The following MGAT4C variants were observed in gnomAD, a reference collection of about 807,000 sequenced individuals.
MGAT4C encodes MGAT4 family member C.
In MGAT4C, 19 loss-of-function variants were observed where a neutral mutation model predicts 40.1. That is an observed-to-expected ratio of 0.47 (90% CI 0.33 to 0.70). The LOEUF (loss-of-function observed/expected upper bound fraction) is 0.70. Among genes scored for constraint, MGAT4C ranks in the 30% least tolerant of loss-of-function variants. The pLI, the probability that MGAT4C is intolerant of heterozygous loss-of-function variation, is 0.02. For synonymous variants in MGAT4C, 181 were observed against 187.1 expected, an observed-to-expected ratio of 0.97 and a Z score of 0.27; for missense variants, 491 against 563.2, an observed-to-expected ratio of 0.87 and a Z score of 1.30.
At chr12:86,619,176 G>A (rs528275607) in intron 2 of MGAT4C, among the ~76,000 whole-genome samples, 1 of 152,112 alleles carries the variant, frequency 6.6e-6, no homozygotes, top group East Asian at 1.9e-4. Flanking sequence ...ATCTACAGGA[G>A]TCTTGGAACC....
At chr12:86,096,592 G>A (rs34799430) in intron 1 of MGAT4C, among the ~76,000 whole-genome samples, 3 of 150,458 alleles carry the variant, frequency 2.0e-5, no homozygotes, top group African/African-American at 7.3e-5. Context: ...TTTTTTCCTC[G>A]AATCTTTTTT....
intron 1 of MGAT4C, among the ~76,000 whole-genome samples, chr12:86,746,787 C>T (rs1414032081): frequency 6.6e-6 from 1 of 151,592 alleles, no homozygotes; most frequent in Non-Finnish European, 1.5e-5. Context: ...GGTATCTTTT[C>T]TGAGCCCCCT....
At chr12:86,688,773 T>C (rs1202559794) in intron 2 of MGAT4C, among the ~76,000 whole-genome samples, 1 of 152,184 alleles carries the variant, frequency 6.6e-6, no homozygotes, top group Non-Finnish European at 1.5e-5. Flanking sequence ...TGGTTGCCCT[T>C]AACATTTTTT....
intron 1 of MGAT4C, among the ~76,000 whole-genome samples, chr12:86,181,708 G>A (rs1205614280): frequency 6.6e-6 from 1 of 152,070 alleles, no homozygotes; most frequent in Non-Finnish European, 1.5e-5. Context: ...GAAATCGATT[G>A]TGGAATAAAA....
At chr12:86,017,634 A>G (rs1282922997) in intron 2 of MGAT4C, among the ~76,000 whole-genome samples, 1 of 152,142 alleles carries the variant, frequency 6.6e-6, no homozygotes, top group Non-Finnish European at 1.5e-5. Flanking sequence ...TACTGGGGGA[A>G]CCTCAAACAT....
rs746796622 is a variant in MGAT4C, at chr12:86,400,930, T to C, written c.-120+34227A>G. ...AGTGGTTAAGTGAGTATCTAGCATA[T>C]GTGTCTTGGAGCCTATGTAGAATGA... On this transcript the variant is annotated intron_variant, in intron 3 of 7. Coordinates refer to the MGAT4C transcript ENST00000548651. 7.9e-5 allele frequency among the ~76,000 whole-genome samples: 12 copies of C among 152,308 alleles called. No homozygotes were observed. In the East Asian group the frequency reaches 1.2e-3, roughly 15 times the overall value.
At chr12:86,588,097 G>C (rs1256454527) in intron 2 of MGAT4C, among the ~76,000 whole-genome samples, 3 of 151,626 alleles carry the variant, frequency 2.0e-5, no homozygotes, top group African/African-American at 7.3e-5. Flanking sequence ...GTCATAGACA[G>C]CTCTTACTAT....
chr12:86,124,146 T>TA (rs1566017232), intron 1 of MGAT4C, among the ~76,000 whole-genome samples: 2 of 152,120 alleles, frequency 1.3e-5, no homozygotes, highest in Non-Finnish European at 2.9e-5. Context: ...TGAGTTAATT[T>TA]AAAAATACAA....
chr12:86,343,237 C>T lies in MGAT4C; in HGVS notation c.-119-9110G>A, dbSNP rs542754585. On this transcript the variant is annotated intron_variant, in intron 3 of 7. Transcript: ENST00000548651. Reference sequence around the variant, plus strand: ...GGTTGAGCATGTCCAATAAAAAGAGCTGTTCTTGACACTGACCCAGTAACT... The same window carrying T: ...GGTTGAGCATGTCCAATAAAAAGAGTTGTTCTTGACACTGACCCAGTAACT... 2.1e-4 allele frequency among the ~76,000 whole-genome samples: 32 copies of T among 152,268 alleles called. 1 individual carries two copies. The South Asian group carries it at 3.9e-3, about 19-fold the overall frequency.
intron 2 of MGAT4C, among the ~76,000 whole-genome samples, chr12:86,012,773 A>T (rs1485205918): frequency 2.5e-5 from 3 of 117,970 alleles, no homozygotes; most frequent in South Asian, 5.2e-4. Flanking sequence ...AACAACAACA[A>T]CAACAACCAC....
intron 1 of MGAT4C, among the ~76,000 whole-genome samples, chr12:86,117,045 TATC>T (rs1878547931): frequency 6.6e-6 from 1 of 152,116 alleles, no homozygotes; most frequent in African/African-American, 2.4e-5. Context: ...TATTTGATAA[TATC>T]TTATTATACT....
At chr12:86,503,999 G>C (rs944860641) in intron 2 of MGAT4C, among the ~76,000 whole-genome samples, 4 of 151,460 alleles carry the variant, frequency 2.6e-5, no homozygotes, top group Admixed American at 6.6e-5. Context: ...TAAAAGAAGT[G>C]TGAAAAGGCA....
intron 3 of MGAT4C, among the ~76,000 whole-genome samples, chr12:86,399,537 T>C (rs1338390111): frequency 6.6e-6 from 1 of 152,164 alleles, no homozygotes; most frequent in African/African-American, 2.4e-5. Flanking sequence ...TGCCTCGACC[T>C]CCCAAAGTGC....
At chr12:86,633,232 A>C (rs1000584618) in intron 2 of MGAT4C, among the ~76,000 whole-genome samples, 3 of 152,160 alleles carry the variant, frequency 2.0e-5, no homozygotes, top group Admixed American at 6.6e-5. Flanking sequence ...TTCCATTCTA[A>C]TCTATATTAT....
At chr12:86,523,834 A>T (rs1958835932) in intron 2 of MGAT4C, among the ~76,000 whole-genome samples, 1 of 152,148 alleles carries the variant, frequency 6.6e-6, no homozygotes, top group Non-Finnish European at 1.5e-5. Flanking sequence ...CTTTATCATT[A>T]TTTAATGCCC....
chr12:86,636,154 T>G (rs1963213652), intron 2 of MGAT4C, among the ~76,000 whole-genome samples: 1 of 152,054 alleles, frequency 6.6e-6, no homozygotes. Context: ...GCTAGCTTTG[T>G]GTAATTGTAC....
chr12:86,410,985 ACTTTACCTTCTGC>A (rs1956591983), intron 3 of MGAT4C, among the ~76,000 whole-genome samples: 3 of 151,882 alleles, frequency 2.0e-5, no homozygotes, highest in Admixed American at 2.0e-4. Flanking sequence ...GTCAGCATCC[ACTTTACCTTCTGC>A]CATAATTGTA....
At chr12:86,752,485 A>T (rs552963028) in intron 1 of MGAT4C, among the ~76,000 whole-genome samples, 1 of 152,178 alleles carries the variant, frequency 6.6e-6, no homozygotes, top group African/African-American at 2.4e-5. Flanking sequence ...GGTCTTTTAG[A>T]TTTTCATAAT....
At chr12:86,493,313 C>T (rs1469084243) in intron 2 of MGAT4C, among the ~76,000 whole-genome samples, 2 of 151,878 alleles carry the variant, frequency 1.3e-5, no homozygotes, top group Non-Finnish European at 1.5e-5. Context: ...ACCCAAAGGA[C>T]TATAAATCAT....
Sources: gnomAD v4.1 joint callset for allele counts (sites outside exome capture counted in the v4.1 genomes callset) on GRCh38, gnomAD v4.1.1 for gene constraint, MANE v1.5 for transcripts, NCBI Gene and HGNC (gene_info 2026-07-23, HGNC 2026-07-21) for gene names.